The following SLC33A1 variants were observed in gnomAD, a reference collection of about 807,000 sequenced individuals.
SLC33A1 encodes acetyl-coenzyme A transporter 1.
A neutral mutation model predicts 50.0 loss-of-function variants in SLC33A1; 20 were observed. The ratio of observed to expected loss-of-function variants is 0.40; its 90% CI spans 0.28 to 0.58. SLC33A1 has a LOEUF of 0.58. Among genes scored for constraint, SLC33A1 ranks in the 20% least tolerant of loss-of-function variants. SLC33A1 has a pLI of 0.44. For synonymous variants in SLC33A1, 265 were observed against 251.8 expected (o/e 1.05, Z -0.50); for missense variants, 476 against 657.0 (o/e 0.72, Z 3.01).
intron 1 of SLC33A1, among the ~76,000 whole-genome samples, chr3:155,849,954 T>TAATAATAAC (rs1159621347): frequency 1.4e-5 from 2 of 138,134 alleles, no homozygotes; most frequent in Non-Finnish European, 3.2e-5. Context: ...ATAATAATAA[T>TAATAATAAC]AACAATTCAC....
intron 2 of SLC33A1, among the ~76,000 whole-genome samples, chr3:155,836,254 A>AG (rs1266085463): frequency 8.3e-6 from 1 of 120,612 alleles, no homozygotes; most frequent in African/African-American, 3.1e-5. Flanking sequence ...ACTGCACTCC[A>AG]GCCTGGTGAC....
intron 4 of SLC33A1, among the ~76,000 whole-genome samples, chr3:155,832,212 T>C (rs1263672687): frequency 6.6e-6 from 1 of 151,930 alleles, no homozygotes; most frequent in African/African-American, 2.4e-5. Context: ...ACCCCGTCTC[T>C]ACTAAAAAAA....
chr3:155,843,680 CCCAATAGAT>C (rs1317957161), intron 1 of SLC33A1, among the ~76,000 whole-genome samples: 1 of 147,968 alleles, frequency 6.8e-6, no homozygotes, highest in Non-Finnish European at 1.5e-5. Context: ...ACTTCTACAG[CCCAATAGAT>C]CCTTTACTTC....
chr3:155,849,262 A>T (rs1239643148), intron 1 of SLC33A1, among the ~76,000 whole-genome samples: 2 of 152,072 alleles, frequency 1.3e-5, no homozygotes, highest in African/African-American at 4.8e-5. Context: ...GCTTCCTTTT[A>T]ATACTCAGAT....
rs1752550763 is a variant in SLC33A1 at position 155,833,889 on chromosome 3, T to C, written c.1116A>G (p.Pro372=). The C allele has an allele frequency of 6.2e-7, 1 of 1,613,946 alleles. No homozygotes were observed. The highest frequency in any genetic ancestry group is 1.3e-5 in the African/African-American group (1 of 75,054). ...GCATGGCTTTGTAAAATGTGTTTAA[T>C]GGCTGGGGACCTGCAGTGTATTTGC... ...IISKYTAGPQ[P]LNTFYKAMPY... is the part of the protein sequence containing the mutation. The change falls in exon 3 of 6, where the codon CCA becomes CCG. Residue 372 remains proline (P), a synonymous_variant. Coordinates refer to ENST00000643144, the MANE Select transcript of SLC33A1 (RefSeq NM_004733.4).
At chr3:155,848,750 G>A (rs968141770) in intron 1 of SLC33A1, among the ~76,000 whole-genome samples, 1 of 152,082 alleles carries the variant, frequency 6.6e-6, no homozygotes, top group Non-Finnish European at 1.5e-5. Flanking sequence ...ACTTACTAGA[G>A]TTGACGCTCC....
In SLC33A1 at chr3:155,825,078, T is replaced by A. The variant is rs906484620; in HGVS notation, c.*3132A>T. ...TAGCGGACCCCACCTCTATAAAAAA[T>A]TATTATTTTTTATTAGCTGGGCATA... On this transcript the variant is annotated 3_prime_UTR_variant, in exon 6 of 6. Coordinates refer to ENST00000643144, the MANE Select transcript of SLC33A1 (RefSeq NM_004733.4). 9.2e-5 allele frequency: 14 copies of A among 151,990 alleles called. No individual in the cohort carries two copies. The highest frequency in any genetic ancestry group is 7.9e-4 in the Admixed American group (12 of 15,224). 9.4% of individuals were successfully genotyped at this position (151,990 alleles called of 1,614,324 possible).
chr3:155,843,150 G>A (rs1181962286), intron 1 of SLC33A1, among the ~76,000 whole-genome samples: 2 of 152,086 alleles, frequency 1.3e-5, no homozygotes, highest in East Asian at 3.8e-4. Flanking sequence ...AAAGGCAGGG[G>A]GTGGTGAGAC....
In SLC33A1 at chr3:155,853,280, A is replaced by T. The variant is rs1437264109; in HGVS notation, c.718T>A (p.Phe240Ile). Reference protein sequence around the residue: ...VLFLALESADFCNKYLRFQPQ... With the variant: ...VLFLALESADICNKYLRFQPQ... ...TGAAACCGCAAATATTTGTTACAAA[A>T]GTCGGCAGATTCAAGGGCCAAAAAC... The change falls in exon 1 of 6, where the codon TTT becomes ATT. Residue 240 changes from phenylalanine (F) to isoleucine (I), a missense_variant. By Grantham distance (21) the Phe-to-Ile change is conservative. Transcript: ENST00000643144. 6.2e-7 allele frequency: 1 copy of T among 1,613,970 alleles called. No homozygotes were observed. The highest frequency in any genetic ancestry group is 1.3e-5 in the African/African-American group (1 of 74,944).
intron 2 of SLC33A1, among the ~76,000 whole-genome samples, chr3:155,836,545 ATAG>A (rs1346230459): frequency 6.6e-6 from 1 of 152,122 alleles, no homozygotes; most frequent in African/African-American, 2.4e-5. Context: ...TAAAAGTTAT[ATAG>A]TAGGAGATAT....
intron 1 of SLC33A1, among the ~76,000 whole-genome samples, chr3:155,847,897 C>T (rs560866291): frequency 2.0e-5 from 3 of 152,256 alleles, no homozygotes; most frequent in South Asian, 2.1e-4. Context: ...CCTGTATGTG[C>T]GTGCCTATTT....
At chr3:155,845,165 AG>A (rs1180649848) in intron 1 of SLC33A1, 1 of 152,226 alleles carries the variant, frequency 6.6e-6, no homozygotes, top group Non-Finnish European at 1.5e-5. Flanking sequence ...AGACTTAAGT[AG>A]TTCCATTTTT....
chr3:155,848,140 T>C (rs1480101311), intron 1 of SLC33A1, among the ~76,000 whole-genome samples: 14 of 152,190 alleles, frequency 9.2e-5, no homozygotes, highest in Admixed American at 9.2e-4. Flanking sequence ...GACAGATTTT[T>C]TTAAAGATGG....
In SLC33A1 at chr3:155,826,279, C is replaced by CA. The variant is rs1560009329; in HGVS notation, c.*1930dup. The CA allele has an allele frequency of 6.6e-6, 1 of 151,718 alleles. No individual in the cohort carries two copies. Among genetic ancestry groups the CA allele is most frequent in the East Asian group, 1.9e-4 (1 of 5,152 alleles). The allele number at this position is 151,718 out of a possible 1,614,324, so 9.4% of individuals were successfully genotyped here. ...GTGTGCGCCTGTAGTCCCAGCTACTCAGAGGACTGGGGCAGGAGAATCACT... is the reference window on the plus strand; with the variant it reads ...GTGTGCGCCTGTAGTCCCAGCTACTCAAGAGGACTGGGGCAGGAGAATCACT... On this transcript the variant is annotated 3_prime_UTR_variant, in exon 6 of 6. Transcript: ENST00000643144.
intron 4 of SLC33A1, among the ~76,000 whole-genome samples, chr3:155,831,865 T>G (rs1752449205): frequency 6.6e-6 from 1 of 152,246 alleles, no homozygotes. Flanking sequence ...CTAAATGATT[T>G]ACTGTATGCA....
At chr3:155,830,920 G>C (rs1228749841) in intron 4 of SLC33A1, among the ~76,000 whole-genome samples, 1 of 152,136 alleles carries the variant, frequency 6.6e-6, no homozygotes, top group African/African-American at 2.4e-5. Flanking sequence ...GAAACAAACT[G>C]TGTTTCAATA....
intron 5 of SLC33A1, among the ~76,000 whole-genome samples, chr3:155,828,642 T>A (rs972223397): frequency 2.0e-5 from 3 of 152,130 alleles, no homozygotes; most frequent in Admixed American, 2.0e-4. Flanking sequence ...CCGGCTGAAA[T>A]GCAGTGGTGT....
chr3:155,850,072 G>T (rs1466535670), intron 1 of SLC33A1, among the ~76,000 whole-genome samples: 1 of 151,060 alleles, frequency 6.6e-6, no homozygotes, highest in Non-Finnish European at 1.5e-5. Flanking sequence ...GCAGTGGCGC[G>T]ATCTCAGCTC....
intron 5 of SLC33A1, among the ~76,000 whole-genome samples, chr3:155,829,007 T>C (rs1752303535): frequency 6.6e-6 from 1 of 151,202 alleles, no homozygotes; most frequent in Non-Finnish European, 1.5e-5. Context: ...GTTCTAGCAA[T>C]TCTCCTGTCT....
Sources: allele counts gnomAD v4.1 joint callset (sites outside exome capture counted in the v4.1 genomes callset), GRCh38; gene constraint gnomAD v4.1.1; transcripts MANE v1.5; gene names NCBI Gene and HGNC (gene_info 2026-07-23, HGNC 2026-07-21).